The following ALG8 variants were observed in gnomAD, a reference collection of about 807,000 sequenced individuals.
ALG8 encodes the protein ALG8 alpha-1,3-glucosyltransferase.
In ALG8, 48 loss-of-function variants were observed where a neutral mutation model predicts 70.2. That is an observed-to-expected ratio of 0.68 (90% confidence interval 0.54 to 0.87). ALG8 has a LOEUF of 0.87. Ranked by LOEUF, ALG8 falls within the 40% of genes least tolerant of loss-of-function variation. ALG8 has a pLI of 0.00. For synonymous variants in ALG8, 234 were observed against 229.0 expected (o/e 1.02, Z -0.20); for missense variants, 572 against 608.7 (o/e 0.94, Z 0.64).
At chr11:78,124,395 G>A (rs1014636812) in intron 2 of ALG8, among the ~76,000 whole-genome samples, 181 bp from the exon 3 acceptor site, 1 of 152,140 alleles carries the variant, frequency 6.6e-6, no homozygotes, top group African/African-American at 2.4e-5. Context: ...TTGAGCCCAG[G>A]AGTTCAAGAC....
intron 11 of ALG8, 112 bp from the exon 12 acceptor site, chr11:78,104,164 T>A: frequency 2.2e-6 from 2 of 919,854 alleles, no homozygotes; most frequent in South Asian, 3.4e-5. Context: ...TAATACTTTT[T>A]AAGTTTAATT....
At chr11:78,136,003 T>C (rs1414212387) in intron 1 of ALG8, among the ~76,000 whole-genome samples, 1 of 151,886 alleles carries the variant, frequency 6.6e-6, no homozygotes, top group Admixed American at 6.6e-5. Context: ...ACCCCATCTC[T>C]GCAAAAAATA....
chr11:78,119,311 G>T, intron 4 of ALG8, 62 bp from the exon 5 acceptor site: 1 of 1,209,386 alleles, frequency 8.3e-7, no homozygotes, highest in Non-Finnish European at 1.2e-6. Flanking sequence ...TATACCAGCT[G>T]ATGGAGTATA....
intron 1 of ALG8, among the ~76,000 whole-genome samples, chr11:78,137,037 G>T (rs1309599139): frequency 6.6e-6 from 1 of 152,096 alleles, no homozygotes; most frequent in South Asian, 2.1e-4. Context: ...AAGTACCTGG[G>T]ATCACAGGCA....
At chr11:78,138,647 A>G (rs1307264396) in intron 1 of ALG8, 2 of 448,978 alleles carry the variant, frequency 4.5e-6, no homozygotes, top group African/African-American at 4.0e-5. Flanking sequence ...GAGGGAGAAA[A>G]AGAAAAAAGA....
At chr11:78,107,744 A>G in intron 9 of ALG8, 1 of 229,808 alleles carries the variant, frequency 4.4e-6, no homozygotes, top group Non-Finnish European at 9.1e-6. Flanking sequence ...CTGGAGGCTG[A>G]GGCAGGAGAA....
Position 78,121,056 on chromosome 11 carries a change from C to G in ALG8, c.478+9G>C. 6.3e-7 allele frequency: 1 copy of G among 1,597,948 alleles called. No homozygotes were observed. On this transcript the variant is annotated intron_variant, in intron 4 of 12. Transcript: ENST00000299626. The stretch of plus-strand genomic sequence containing the variant: ...AGTAAGGGAATAGTACATAGAATAT[C>G]AAGGATACGGTCCACAATTAATAAC...
chr11:78,112,970 C>T (rs1860373227), intron 7 of ALG8, among the ~76,000 whole-genome samples, 200 bp from the exon 8 acceptor site: 4 of 152,052 alleles, frequency 2.6e-5, no homozygotes, highest in African/African-American at 9.7e-5. Context: ...TCCAGTGGGA[C>T]AATATACATA....
chr11:78,117,782 GAAA>G (rs144110832), intron 5 of ALG8, among the ~76,000 whole-genome samples: 1 of 132,812 alleles, frequency 7.5e-6, no homozygotes, highest in Non-Finnish European at 1.6e-5. Context: ...CAACTCTTAA[GAAA>G]AAAAAAAGAC....
intron 2 of ALG8, among the ~76,000 whole-genome samples, chr11:78,124,785 T>G (rs1205859444): frequency 6.6e-6 from 1 of 152,196 alleles, no homozygotes; most frequent in African/African-American, 2.4e-5. Context: ...TGAAATATAT[T>G]TATAAACAAC....
At position 78,103,985 on chromosome 11, in the gene ALG8, T is replaced by A. The variant is rs768251958; in HGVS notation, c.1344A>T (p.Leu448Phe). The A allele has an allele frequency of 6.8e-7, 1 of 1,473,826 alleles. No individual in the cohort carries two copies. Among genetic ancestry groups the A allele is most frequent in the Non-Finnish European group, 9.5e-7 (1 of 1,057,514 alleles). The allele number at this position is 1,473,826 out of a possible 1,614,324, so 91.3% of individuals were successfully genotyped here. A position where few individuals can be genotyped will look rare whatever the true frequency, so the allele number is the denominator to read the frequency against. Residue 448 changes from leucine to phenylalanine, a missense_variant, in exon 12 of 13, where the codon TTA becomes TTT. Coordinates refer to ENST00000299626, the MANE Select transcript of ALG8 (RefSeq NM_024079.5). Reference sequence around the variant, plus strand: ...TTAAACATTTTTTTGATTACCTGAATAAAGTCTTCAGTGACGAAATACTAT... The same window carrying A: ...TTAAACATTTTTTTGATTACCTGAAAAAAGTCTTCAGTGACGAAATACTAT... ...TIYSISSLKT[L>F]FRKEKPLFNW...
intron 1 of ALG8, 76 bp from the exon 2 acceptor site, chr11:78,127,512 T>A: frequency 7.9e-7 from 1 of 1,272,016 alleles, no homozygotes. Context: ...GTTATGCTTT[T>A]AAATGGACTG....
intron 1 of ALG8, among the ~76,000 whole-genome samples, chr11:78,134,251 C>T (rs1228162693): frequency 6.6e-6 from 1 of 151,974 alleles, no homozygotes; most frequent in Non-Finnish European, 1.5e-5. Context: ...GATTCTCCTG[C>T]CTCAGCCTCC....
At chr11:78,111,408 A>G (rs1860284487) in intron 8 of ALG8, among the ~76,000 whole-genome samples, 2 of 152,206 alleles carry the variant, frequency 1.3e-5, no homozygotes, top group South Asian at 2.1e-4. Flanking sequence ...TATAGTGAGG[A>G]AAGTTAGACG....
intron 3 of ALG8, among the ~76,000 whole-genome samples, chr11:78,123,724 G>T (rs1244661083): frequency 6.6e-6 from 1 of 152,154 alleles, no homozygotes; most frequent in Non-Finnish European, 1.5e-5. Context: ...AACATATGGA[G>T]CTATTCTGGG....
Position 78,104,056 on chromosome 11 carries a change from T to C in ALG8, c.1277-4A>G. The C allele has an allele frequency of 6.8e-7, 1 of 1,478,664 alleles. No individual in the cohort carries two copies. The highest frequency in any genetic ancestry group is 2.3e-5 in the East Asian group (1 of 44,048). 91.6% of individuals were successfully genotyped at this position (1,478,664 alleles called of 1,614,324 possible). On this transcript the variant is annotated splice_region_variant and splice_polypyrimidine_tract_variant and intron_variant, in intron 11 of 12. Transcript: ENST00000299626. ...AGTAAGATTTTAATGGGAAGTTCTG[T>C]TAAAAGAATAGAAAAAAAAAGATAA...
At position 78,139,612 on chromosome 11, in the gene ALG8, A is replaced by C; in HGVS notation, c.-24T>G. 1.3e-6 allele frequency: 2 copies of C among 1,550,288 alleles called. No homozygotes were observed. The highest frequency in any genetic ancestry group is 1.7e-6 in the Non-Finnish European group (2 of 1,145,874). On this transcript the variant is annotated 5_prime_UTR_variant, in exon 1 of 13. Coordinates refer to ENST00000299626, the MANE Select transcript of ALG8 (RefSeq NM_024079.5). ...ATTGCTGCGGCACCGCACGCTTCCC[A>C]CCAACTTGATCCACATCCGGGATCC...
chr11:78,118,713 G>A lies in ALG8; in HGVS notation c.546+469C>T, dbSNP rs532705171. ...AATTCCAGCACTTTGGGAGGCCGAG[G>A]CAGGAGGATCACTTGAGGTCAGGAG... On this transcript the variant is annotated intron_variant, in intron 5 of 12. Coordinates refer to ENST00000299626, the MANE Select transcript of ALG8 (RefSeq NM_024079.5). Among the ~76,000 whole-genome samples, 143 of 152,058 alleles carry A rather than the reference G, an allele frequency of 9.4e-4. 1 individual carries two copies. The highest frequency in any genetic ancestry group is 9.3e-3 in the Admixed American group (142 of 15,240).
At chr11:78,132,542 T>A (rs1436754400) in intron 1 of ALG8, among the ~76,000 whole-genome samples, 1 of 152,212 alleles carries the variant, frequency 6.6e-6, no homozygotes, top group Admixed American at 6.6e-5. Flanking sequence ...TCTTTCCAAT[T>A]TCACTGTGCA....
Sources: gnomAD v4.1 joint callset for allele counts (sites outside exome capture counted in the v4.1 genomes callset) on GRCh38, gnomAD v4.1.1 for gene constraint, MANE v1.5 for transcripts, NCBI Gene and HGNC (gene_info 2026-07-23, HGNC 2026-07-21) for gene names.